The following CTNND2 variants were observed in gnomAD, a reference collection of about 807,000 sequenced individuals.
CTNND2 encodes catenin delta-2.
A neutral mutation model predicts 144.4 loss-of-function variants in CTNND2; 22 were observed. That is an observed-to-expected ratio of 0.15 (90% CI 0.11 to 0.22). The LOEUF (loss-of-function observed/expected upper bound fraction) is 0.22. Among genes scored for constraint, CTNND2 ranks in the 10% least tolerant of loss-of-function variants. CTNND2 has a pLI of 1.00. For missense variants in CTNND2, 1,353 were observed against 1,618.8 expected (o/e 0.84, Z 2.82); for synonymous variants, 751 against 695.6 (o/e 1.08, Z -1.25).
intron 1 of CTNND2, among the ~76,000 whole-genome samples, chr5:11,826,512 C>G (rs1023075635): frequency 6.6e-6 from 1 of 151,890 alleles, no homozygotes. Context: ...ACAATAATCA[C>G]ATGAAATGCA....
At chr5:11,809,364 G>C (rs984232107) in intron 1 of CTNND2, among the ~76,000 whole-genome samples, 1 of 152,136 alleles carries the variant, frequency 6.6e-6, no homozygotes, top group African/African-American at 2.4e-5. Context: ...TATGCATGTA[G>C]CAATACATTG....
At chr5:10,989,885 T>TATCA (rs1410955788) in intron 19 of CTNND2, among the ~76,000 whole-genome samples, 1 of 152,302 alleles carries the variant, frequency 6.6e-6, no homozygotes, top group East Asian at 1.9e-4. Flanking sequence ...CTCTCAAACC[T>TATCA]ATCAAAATAA....
chr5:11,565,780 C>T (rs894494803), intron 2 of CTNND2, among the ~76,000 whole-genome samples: 1 of 152,164 alleles, frequency 6.6e-6, no homozygotes, highest in African/African-American at 2.4e-5. Flanking sequence ...CTCAGCTGTT[C>T]CAACAACAGG....
At chr5:11,826,404 CAATT>C (rs1198637837) in intron 1 of CTNND2, among the ~76,000 whole-genome samples, 5 of 151,960 alleles carry the variant, frequency 3.3e-5, no homozygotes, top group Admixed American at 2.0e-4. Flanking sequence ...AAAGAAAACT[CAATT>C]AATCCAAAAG....
chr5:11,693,983 C>T (rs1445756314), intron 2 of CTNND2, among the ~76,000 whole-genome samples: 1 of 152,142 alleles, frequency 6.6e-6, no homozygotes, highest in African/African-American at 2.4e-5. Flanking sequence ...ATATTTAATT[C>T]ATGGCCAACA....
chr5:11,104,893 T>C (rs1397957275), intron 14 of CTNND2, among the ~76,000 whole-genome samples: 1 of 152,228 alleles, frequency 6.6e-6, no homozygotes, highest in Non-Finnish European at 1.5e-5. Context: ...AACAAAGCGT[T>C]AGGGCAAAAG....
chr5:11,394,233 C>T (rs914711833), intron 6 of CTNND2, among the ~76,000 whole-genome samples: 1 of 152,206 alleles, frequency 6.6e-6, no homozygotes, highest in Non-Finnish European at 1.5e-5. Flanking sequence ...TTCTGAGTCT[C>T]CATCCCTGAT....
intron 2 of CTNND2, among the ~76,000 whole-genome samples, chr5:11,720,501 T>C (rs1475187773): frequency 6.6e-6 from 1 of 152,138 alleles, no homozygotes; most frequent in East Asian, 1.9e-4. Context: ...TTCTTTTGCA[T>C]AACCATATTT....
chr5:11,000,123 A>G (rs944319974), intron 18 of CTNND2, among the ~76,000 whole-genome samples: 2 of 152,240 alleles, frequency 1.3e-5, no homozygotes, highest in Non-Finnish European at 2.9e-5. Flanking sequence ...ATGTATTAGT[A>G]GAGAGACTTC....
chr5:11,528,189 G>A (rs564036912), intron 3 of CTNND2, among the ~76,000 whole-genome samples: 5 of 152,242 alleles, frequency 3.3e-5, no homozygotes, highest in African/African-American at 1.2e-4. Context: ...GTTGTACTTG[G>A]TGTCAAATGA....
chr5:11,182,579 T>A (rs111615834), intron 11 of CTNND2, among the ~76,000 whole-genome samples: 1 of 152,038 alleles, frequency 6.6e-6, no homozygotes, highest in Non-Finnish European at 1.5e-5. Context: ...TGCCCTCAAC[T>A]TCCCGCCCTC....
At chr5:11,540,914 G>A (rs1774670493) in intron 3 of CTNND2, among the ~76,000 whole-genome samples, 1 of 152,214 alleles carries the variant, frequency 6.6e-6, no homozygotes, top group South Asian at 2.1e-4. Flanking sequence ...CAGGGGTTGA[G>A]TGAATATTGG....
At chr5:11,163,424 C>T (rs958896376) in intron 11 of CTNND2, among the ~76,000 whole-genome samples, 14 of 152,212 alleles carry the variant, frequency 9.2e-5, no homozygotes, top group African/African-American at 3.1e-4. Context: ...CAGGACCACC[C>T]AAATCTGTGG....
At chr5:11,096,879 T>C (rs145832553) in intron 15 of CTNND2, among the ~76,000 whole-genome samples, 11 of 152,208 alleles carry the variant, frequency 7.2e-5, no homozygotes, top group African/African-American at 2.2e-4. Flanking sequence ...CTTTGTGTCT[T>C]AGTCAGGCTG....
At chr5:11,441,596 C>T (rs1201485514) in intron 3 of CTNND2, among the ~76,000 whole-genome samples, 2 of 150,666 alleles carry the variant, frequency 1.3e-5, no homozygotes, top group Non-Finnish European at 3.0e-5. Flanking sequence ...CTTGGCCAGG[C>T]TGGTCTCGAA....
intron 12 of CTNND2, among the ~76,000 whole-genome samples, chr5:11,147,817 C>T (rs976098531): frequency 3.9e-5 from 6 of 152,224 alleles, no homozygotes; most frequent in Middle Eastern, 3.4e-3. Flanking sequence ...AAAAGTGATA[C>T]AGAGTTACCA....
chr5:11,445,149 T>A (rs549898597), intron 3 of CTNND2, among the ~76,000 whole-genome samples: 2 of 152,266 alleles, frequency 1.3e-5, no homozygotes, highest in South Asian at 4.2e-4. Context: ...CACAGGAGGA[T>A]CTTTCCTTTT....
chr5:11,281,156 T>C (rs936834446), intron 9 of CTNND2, among the ~76,000 whole-genome samples: 4 of 152,230 alleles, frequency 2.6e-5, no homozygotes, highest in Admixed American at 2.6e-4. Flanking sequence ...TGGCAGACGT[T>C]TGCTCCTTGG....
At chr5:11,229,645 C>CGTGTGT (rs34293828) in intron 10 of CTNND2, among the ~76,000 whole-genome samples, 1 of 143,394 alleles carries the variant, frequency 7.0e-6, no homozygotes, top group African/African-American at 2.6e-5. Context: ...AGCCATATTG[C>CGTGTGT]GTGTGTGTGT....
Sources: allele counts gnomAD v4.1 joint callset (sites outside exome capture counted in the v4.1 genomes callset), GRCh38; gene constraint gnomAD v4.1.1; transcripts MANE v1.5; gene names NCBI Gene and HGNC (gene_info 2026-07-23, HGNC 2026-07-21).